The following TNFRSF8 variants were observed in gnomAD, a reference collection of about 807,000 sequenced individuals.
The protein encoded by TNFRSF8 is tumor necrosis factor receptor superfamily member 8.
A neutral mutation model predicts 70.8 loss-of-function variants in TNFRSF8; 26 were observed. The observed-to-expected ratio is 0.37, with a 90% confidence interval of 0.27 to 0.51. The LOEUF is 0.51. Ranked by LOEUF, TNFRSF8 falls within the 20% of genes least tolerant of loss-of-function variation. The pLI, the probability that TNFRSF8 is intolerant of heterozygous loss-of-function variation, is 0.94. For synonymous variants in TNFRSF8, 356 were observed against 339.2 expected, an observed-to-expected ratio of 1.05 and a Z score of -0.54; for missense variants, 720 against 807.9, an observed-to-expected ratio of 0.89 and a Z score of 1.32.
Position 12,094,031 on chromosome 1 carries a change from C to A in TNFRSF8, c.152-3070C>A, listed in dbSNP as rs183673671. 6.5e-3 allele frequency among the ~76,000 whole-genome samples: 916 copies of A among 141,990 alleles called. 8 individuals are homozygous for A. The highest frequency in any genetic ancestry group is 0.03 in the Middle Eastern group (8 of 268). The allele number at this position is 141,990 out of a possible 152,430, so 93.2% of individuals were successfully genotyped here. On this transcript the variant is annotated intron_variant, in intron 2 of 14. Coordinates refer to ENST00000263932, the MANE Select transcript of TNFRSF8 (RefSeq NM_001243.5). Reference sequence around the variant, plus strand: ...CTGAGATCCTGCCACTGCACTCCAGCCTGAGCAACAGAGCAAGACTTTGTC... The same window carrying A: ...CTGAGATCCTGCCACTGCACTCCAGACTGAGCAACAGAGCAAGACTTTGTC...
intron 2 of TNFRSF8, among the ~76,000 whole-genome samples, chr1:12,096,247 AG>A (rs1641327548): frequency 6.6e-6 from 1 of 152,146 alleles, no homozygotes; most frequent in African/African-American, 2.4e-5. Flanking sequence ...GAAGCAAGGT[AG>A]GCAGCGATTG....
chr1:12,114,930 A>G (rs989962025), intron 7 of TNFRSF8, among the ~76,000 whole-genome samples: 1 of 151,928 alleles, frequency 6.6e-6, no homozygotes, highest in African/African-American at 2.4e-5. Context: ...GCTGGACTTG[A>G]ACTCCTGACC....
chr1:12,089,407 C>T (rs531181153), intron 2 of TNFRSF8, among the ~76,000 whole-genome samples: 104 of 152,330 alleles, frequency 6.8e-4, no homozygotes, highest in South Asian at 1.4e-3. Context: ...TCCATTGTCC[C>T]CCTGGCACCT....
chr1:12,138,195 G>A lies in TNFRSF8; in HGVS notation c.1336-34G>A. On this transcript the variant is annotated intron_variant, in intron 13 of 14. Transcript: ENST00000263932. This position sits in a 1 kb window ranked among gnomAD's most constrained non-coding sequence, Gnocchi z 5.7. ...TCAGAGACTGGTGGGGAGGTTGGGGGTACCCTGCAGCAGCACCCATTCCCG... is the reference window on the plus strand; with the variant it reads ...TCAGAGACTGGTGGGGAGGTTGGGGATACCCTGCAGCAGCACCCATTCCCG... The A allele has an allele frequency of 3.1e-6, 5 of 1,606,076 alleles. No homozygotes were observed. Among genetic ancestry groups the A allele is most frequent in the Non-Finnish European group, 4.3e-6 (5 of 1,174,798 alleles).
Position 12,109,553 on chromosome 1 carries a change from G to T in TNFRSF8, c.422-13G>T. On this transcript the variant is annotated splice_polypyrimidine_tract_variant and intron_variant, in intron 4 of 14. Coordinates refer to ENST00000263932, the MANE Select transcript of TNFRSF8 (RefSeq NM_001243.5). The surrounding 1 kb of genome is among the most constrained non-coding windows in gnomAD (Gnocchi z 4.4). ...CAACACTGATTCTGAAGGCACTGCT[G>T]TCCCCCCTGCAGGCACGGCGCAGAA... 1 of 1,611,760 alleles carries T rather than the reference G, an allele frequency of 6.2e-7. No individual in the cohort carries two copies. The highest frequency in any genetic ancestry group is 1.7e-4 in the Middle Eastern group (1 of 6,054).
chr1:12,123,334 C>T lies in TNFRSF8; in HGVS notation c.997C>T (p.Pro333Ser), dbSNP rs771898617. 15 of 1,613,078 alleles carry T rather than the reference C, an allele frequency of 9.3e-6. No individual in the cohort carries two copies. In the South Asian group the frequency reaches 1.5e-4, roughly 17 times the overall value. The change falls in exon 9 of 15, where the codon CCG becomes TCG. Residue 333 changes from proline (P) to serine (S), a missense_variant. Coordinates refer to ENST00000263932, the MANE Select transcript of TNFRSF8 (RefSeq NM_001243.5). ...TGAGGCGCCACCCCTGGGGACCCAG[C>T]CGGACTGCAACCCCACCCCAGAGAA... is the stretch of plus-strand genomic sequence containing the variant. ...TFEAPPLGTQ[P>S]DCNPTPENGE...
chr1:12,084,370 A>G, intron 1 of TNFRSF8, 94 bp from the exon 2 acceptor site: 1 of 1,126,264 alleles, frequency 8.9e-7, no homozygotes, highest in Non-Finnish European at 1.3e-6. Context: ...CTATATTACA[A>G]AGCTCCGTCT....
chr1:12,098,426 T>C (rs1387380858), intron 3 of TNFRSF8, among the ~76,000 whole-genome samples: 1 of 152,186 alleles, frequency 6.6e-6, no homozygotes. Context: ...CATCTATAGA[T>C]AACTACTATT....
chr1:12,070,193 C>G (rs995252783), intron 1 of TNFRSF8, among the ~76,000 whole-genome samples: 14 of 151,922 alleles, frequency 9.2e-5, no homozygotes, highest in African/African-American at 3.4e-4. Flanking sequence ...AGCAGGAAGC[C>G]AGGTCATTGC....
chr1:12,074,893 A>G (rs1029565607), intron 1 of TNFRSF8, among the ~76,000 whole-genome samples: 29 of 151,902 alleles, frequency 1.9e-4, no homozygotes, highest in African/African-American at 7.0e-4. Context: ...GGCTCAAACA[A>G]TCCTCCCACC....
At chr1:12,125,257 C>T (rs889107460) in intron 10 of TNFRSF8, among the ~76,000 whole-genome samples, 1 of 152,160 alleles carries the variant, frequency 6.6e-6, no homozygotes, top group Non-Finnish European at 1.5e-5. Flanking sequence ...AGTTTAGTAC[C>T]GAGGTGTGAA....
intron 14 of TNFRSF8, among the ~76,000 whole-genome samples, chr1:12,140,889 A>G (rs959025180): frequency 2.2e-5 from 3 of 137,660 alleles, no homozygotes; most frequent in African/African-American, 8.4e-5. Flanking sequence ...CTCCTCTCTC[A>G]CCACCCCCGG....
chr1:12,110,316 TGG>T lies in TNFRSF8; in HGVS notation c.676+115_676+116del. The stretch of plus-strand genomic sequence containing the variant: ...GCAGTGATCTGTGGTCTTTTCCTGG[TGG>T]GGAGAGAAGACGGTGGTAAGGTATG... On this transcript the variant is annotated intron_variant, in intron 6 of 14. Transcript: ENST00000263932. The surrounding 1 kb of genome is among the most constrained non-coding windows in gnomAD (Gnocchi z 4.0). The T allele has an allele frequency of 8.7e-7, 1 of 1,148,748 alleles. No individual in the cohort carries two copies. Among genetic ancestry groups the T allele is most frequent in the Non-Finnish European group, 1.2e-6 (1 of 839,498 alleles). 71.2% of individuals were successfully genotyped at this position (1,148,748 alleles called of 1,614,324 possible).
chr1:12,120,337 G>C (rs1031426292), intron 8 of TNFRSF8, among the ~76,000 whole-genome samples: 1 of 152,130 alleles, frequency 6.6e-6, no homozygotes, highest in Non-Finnish European at 1.5e-5. Flanking sequence ...TGGAAGGAAG[G>C]CTCCGAGGAA....
chr1:12,114,796 C>T (rs1641699143), intron 7 of TNFRSF8, among the ~76,000 whole-genome samples: 2 of 143,844 alleles, frequency 1.4e-5, no homozygotes, highest in African/African-American at 5.1e-5. Context: ...GCAACCTCTG[C>T]CTCCCAGGTT....
At chr1:12,135,171 C>T (rs897147292) in intron 12 of TNFRSF8, among the ~76,000 whole-genome samples, 27 of 151,988 alleles carry the variant, frequency 1.8e-4, no homozygotes, top group African/African-American at 6.0e-4. Context: ...AAAAAATTAG[C>T]TGGGGTTGGT....
At chr1:12,111,267 C>T (rs962934697) in intron 6 of TNFRSF8, among the ~76,000 whole-genome samples, 2 of 151,964 alleles carry the variant, frequency 1.3e-5, no homozygotes, top group Admixed American at 6.6e-5. Context: ...CTGCAACCTC[C>T]GCCTCCTGGG....
chr1:12,097,107 T>A lies in TNFRSF8; in HGVS notation c.158T>A (p.Phe53Tyr), dbSNP rs750470693. The A allele has an allele frequency of 6.2e-7, 1 of 1,613,620 alleles. No individual in the cohort carries two copies. Residue 53 changes from phenylalanine to tyrosine, a missense_variant, in exon 3 of 15, where the codon TTC becomes TAC. By Grantham distance (22) the Phe-to-Tyr change is conservative. Coordinates refer to ENST00000263932, the MANE Select transcript of TNFRSF8 (RefSeq NM_001243.5). ...RCCYRCPMGL[F>Y]PTQQCPQRPT... is the part of the protein sequence containing the mutation. ...TCTCTGTTTCTTTTCCCAGGGCTGTTCCCGACACAGCAGTGCCCACAGAGG... is the reference window on the plus strand; with the variant it reads ...TCTCTGTTTCTTTTCCCAGGGCTGTACCCGACACAGCAGTGCCCACAGAGG...
At chr1:12,084,698 C>T (rs1456112382) in intron 2 of TNFRSF8, 147 bp downstream of exon 2, 40 of 761,924 alleles carry the variant, frequency 5.2e-5, no homozygotes, top group Non-Finnish European at 7.6e-5. Context: ...CCTAGTGTCG[C>T]GGAGTCCAAG....
Sources: gnomAD v4.1 joint callset for allele counts (sites outside exome capture counted in the v4.1 genomes callset) on GRCh38, gnomAD v4.1.1 for gene constraint, Gnocchi (gnomAD v3.1) non-coding constraint, MANE v1.5 for transcripts, NCBI Gene and HGNC (gene_info 2026-07-23, HGNC 2026-07-21) for gene names.